The following KPTN variants were observed in gnomAD, a reference collection of about 807,000 sequenced individuals.
KPTN encodes kaptin, actin binding protein, also known as KICSTOR complex protein kaptin.
KPTN carries 36 observed loss-of-function variants against 52.6 expected under a neutral mutation model. The observed-to-expected ratio is 0.68, with a 90% confidence interval of 0.52 to 0.90. The LOEUF is 0.90. Ranked by LOEUF, KPTN falls within the 40% of genes least tolerant of loss-of-function variation. KPTN has a pLI of 0.00. For missense variants in KPTN, 529 were observed against 576.2 expected (o/e 0.92, Z 0.84); for synonymous variants, 271 against 248.4 (o/e 1.09, Z -0.85).
intron 11 of KPTN, 54 bp downstream of exon 11, chr19:47,476,478 C>G (rs1476698802): frequency 1.3e-6 from 2 of 1,493,150 alleles, no homozygotes; most frequent in Middle Eastern, 2.3e-4. Context: ...GCCTGCACCC[C>G]CTGCTCGAAA....
At chr19:47,477,970 G>A (rs1967732732) in intron 8 of KPTN, among the ~76,000 whole-genome samples, 189 bp from the exon 9 acceptor site, 1 of 151,900 alleles carries the variant, frequency 6.6e-6, no homozygotes, top group Non-Finnish European at 1.5e-5. Flanking sequence ...TGAGGCAGGA[G>A]ACTTGCTTGA....
In KPTN at chr19:47,476,465, G is replaced by A; in HGVS notation, c.1182+67C>T. ...AATGAGTTCCTCCCTCCCCCAGGAG[G>A]AGGCCTGCACCCCCTGCTCGAAACT... On this transcript the variant is annotated intron_variant, in intron 11 of 11. Coordinates refer to ENST00000338134, the MANE Select transcript of KPTN (RefSeq NM_007059.4). 4 of 1,373,672 alleles carry A rather than the reference G, an allele frequency of 2.9e-6. No individual in the cohort carries two copies. In the South Asian group the frequency reaches 5.4e-5, roughly 19 times the overall value. 85.1% of individuals were successfully genotyped at this position (1,373,672 alleles called of 1,614,324 possible). A position where few individuals can be genotyped will look rare whatever the true frequency, so the allele number is the denominator to read the frequency against.
Position 47,480,316 on chromosome 19 carries a change from C to T in KPTN, c.691G>A (p.Val231Met). 1 of 1,548,608 alleles carries T rather than the reference C, an allele frequency of 6.5e-7. No individual in the cohort carries two copies. The highest frequency in any genetic ancestry group is 8.7e-7 in the Non-Finnish European group (1 of 1,145,990). Residue 231 changes from valine to methionine, a missense_variant, in exon 7 of 12, where the codon GTG becomes ATG. Transcript: ENST00000338134. ...CQSGYVRVAH[V>M]DQRSREVLQM... ...CCCTCACCTCGACTCCGCTGGTCCA[C>T]GTGGGCGACACGGACATAACCACTC...
chr19:47,482,992 C>G, intron 4 of KPTN, 169 bp downstream of exon 4: 1 of 709,104 alleles, frequency 1.4e-6, no homozygotes, highest in Admixed American at 2.1e-5. Context: ...CAGGTGTGAG[C>G]CACCGTGCCC....
At chr19:47,475,929 C>T (rs889568621) in intron 11 of KPTN, among the ~76,000 whole-genome samples, 1 of 149,898 alleles carries the variant, frequency 6.7e-6, no homozygotes, top group Non-Finnish European at 1.5e-5. Context: ...CCACTGCACA[C>T]CAGCCTGGGA....
rs760344382 is a variant in KPTN, at chr19:47,484,035, C to G, written c.126G>C (p.Leu42=). The change falls in exon 1 of 12, where the codon CTG becomes CTC. Residue 42 remains leucine (L), a synonymous_variant. Transcript: ENST00000338134. ...GCACCTTGCCTTTAAGGGTGGCGGC[C>G]AGCAGCTCCCCGCGCCCGCCGGCGC... is the stretch of plus-strand genomic sequence containing the variant. ...AGGAGGRGEL[L]AATLKGKVLG... is the part of the protein sequence containing the mutation. 2.5e-6 allele frequency: 4 copies of G among 1,611,938 alleles called. No homozygotes were observed. The Admixed American group carries it at 6.7e-5, about 27-fold the overall frequency.
At position 47,480,293 on chromosome 19, in the gene KPTN, C is replaced by G; in HGVS notation, c.709+5G>C. ...CCCCTTACCCCGCCTCACCGCGGCC[C>G]TCACCTCGACTCCGCTGGTCCACGT... is the stretch of plus-strand genomic sequence containing the variant. On this transcript the variant is annotated splice_donor_5th_base_variant and intron_variant, in intron 7 of 11. Transcript: ENST00000338134. 9 of 1,544,858 alleles carry G rather than the reference C, an allele frequency of 5.8e-6. No individual in the cohort carries two copies. The highest frequency in any genetic ancestry group is 7.9e-6 in the Non-Finnish European group (9 of 1,142,664).
Position 47,476,855 on chromosome 19 carries a change from G to A in KPTN, c.947C>T (p.Thr316Ile). 6.3e-7 allele frequency: 1 copy of A among 1,576,058 alleles called. No individual in the cohort carries two copies. Among genetic ancestry groups the A allele is most frequent in the Non-Finnish European group, 8.6e-7 (1 of 1,160,436 alleles). ...TGGCCGCCCATCCAAATCCACATCG[G>A]TGACCAGGCTGCAGAGGACGCTGTC... ...QFDSVLCSLVTDVDLDGRPEV... is the reference protein window; with the variant it reads ...QFDSVLCSLVIDVDLDGRPEV... The change falls in exon 10 of 12, where the codon ACC becomes ATC. Residue 316 changes from threonine (T) to isoleucine (I), a missense_variant. Physicochemically the swap from Thr to Ile is moderately conservative, Grantham distance 89. Coordinates refer to ENST00000338134, the MANE Select transcript of KPTN (RefSeq NM_007059.4).
chr19:47,477,797 G>A lies in KPTN; in HGVS notation c.788-16C>T. ...TCCTTGGTCTCTGGAGAAGAAACATGAATGGTAATCCCAGCACTTTGGGAG... is the reference window on the plus strand; with the variant it reads ...TCCTTGGTCTCTGGAGAAGAAACATAAATGGTAATCCCAGCACTTTGGGAG... On this transcript the variant is annotated splice_polypyrimidine_tract_variant and intron_variant, in intron 8 of 11. Coordinates refer to ENST00000338134, the MANE Select transcript of KPTN (RefSeq NM_007059.4). 1 of 1,603,166 alleles carries A rather than the reference G, an allele frequency of 6.2e-7. No individual in the cohort carries two copies. Among genetic ancestry groups the A allele is most frequent in the Non-Finnish European group, 8.5e-7 (1 of 1,170,640 alleles).
Position 47,475,312 on chromosome 19 carries a change from G to A in KPTN, c.*104C>T, listed in dbSNP as rs1967623681. 3 of 1,402,938 alleles carry A rather than the reference G, an allele frequency of 2.1e-6. No homozygotes were observed. The highest frequency in any genetic ancestry group is 1.9e-6 in the Non-Finnish European group (2 of 1,037,784). The allele number at this position is 1,402,938 out of a possible 1,614,324, so 86.9% of individuals were successfully genotyped here. ...GGGCACAGCTTCACCACCCTGGGGA[G>A]GTCTGGGGAGAGCATCCTGTCCTTC... On this transcript the variant is annotated 3_prime_UTR_variant, in exon 12 of 12. Coordinates refer to ENST00000338134, the MANE Select transcript of KPTN (RefSeq NM_007059.4).
Position 47,483,989 on chromosome 19 carries a change from G to A in KPTN, c.172C>T (p.Leu58Phe), listed in dbSNP as rs1374729656. The A allele has an allele frequency of 5.0e-6, 8 of 1,613,668 alleles. No individual in the cohort carries two copies. The highest frequency in any genetic ancestry group is 6.8e-6 in the Non-Finnish European group (8 of 1,180,006). Residue 58 changes from leucine to phenylalanine, a missense_variant, in exon 1 of 12, where the codon CTC becomes TTC. Leu to Phe is a conservative substitution (Grantham distance 22, BLOSUM62 0). Coordinates refer to ENST00000338134, the MANE Select transcript of KPTN (RefSeq NM_007059.4). Reference sequence around the variant, plus strand: ...GCCACTGGCCGGATTTTCTGTCGGAGGTCTTGGTAGCGGAAGCCGAGCACC... The same window carrying A: ...GCCACTGGCCGGATTTTCTGTCGGAAGTCTTGGTAGCGGAAGCCGAGCACC... ...GKVLGFRYQD[L>F]RQKIRPVAKE...
chr19:47,475,386 C>A lies in KPTN; in HGVS notation c.*30G>T. On this transcript the variant is annotated 3_prime_UTR_variant, in exon 12 of 12. Transcript: ENST00000338134. ...GAGGTGAGCACGCCATGAGTCGCCC[C>A]AGGTCTGGGAAGAGTGGGTGCATGG... is the stretch of plus-strand genomic sequence containing the variant. The A allele has an allele frequency of 2.5e-6, 4 of 1,607,284 alleles. No individual in the cohort carries two copies. Among genetic ancestry groups the A allele is most frequent in the African/African-American group, 1.3e-5 (1 of 74,894 alleles).
chr19:47,484,381 C>T (rs543033701), upstream of KPTN: 83 of 592,220 alleles, frequency 1.4e-4, no homozygotes, highest in African/African-American at 1.5e-3. Context: ...TTCTCCTTTC[C>T]ATTTCTGGAC....
intron 8 of KPTN, among the ~76,000 whole-genome samples, chr19:47,478,567 TAAAAAAAAA>T (rs757744803): frequency 1.5e-5 from 1 of 66,234 alleles, no homozygotes; most frequent in Non-Finnish European, 2.9e-5. Flanking sequence ...AGACTCTGTC[TAAAAAAAAA>T]AAAAAAAAAA....
chr19:47,483,396 G>C lies in KPTN; in HGVS notation c.310-17C>G, dbSNP rs1432321645. ...CCCTGAATCCTGGCGGAGGACACGG[G>C]GTTCAGGGGAGGGCAGGGGTGGCAG... On this transcript the variant is annotated splice_polypyrimidine_tract_variant and intron_variant, in intron 2 of 11. Coordinates refer to ENST00000338134, the MANE Select transcript of KPTN (RefSeq NM_007059.4). 1 of 1,612,604 alleles carries C rather than the reference G, an allele frequency of 6.2e-7. No individual in the cohort carries two copies. The highest frequency in any genetic ancestry group is 1.1e-5 in the South Asian group (1 of 91,048).
Position 47,483,181 on chromosome 19 carries a change from C to A in KPTN, c.429G>T (p.Pro143=), listed in dbSNP as rs142513765. ...CTCACTCCGCATGGCACAGCTGGAA[C>A]GGAGTGAACTGGAGCTCCAGGTTCA... ...SCLNLELQFT[P]FQLCHAEVQV... The change falls in exon 4 of 12, where the codon CCG becomes CCT. Residue 143 remains proline, a synonymous_variant. Transcript: ENST00000338134. 10 of 1,614,006 alleles carry A rather than the reference C, an allele frequency of 6.2e-6. No individual in the cohort carries two copies. Among genetic ancestry groups the A allele is most frequent in the Middle Eastern group, 1.6e-4 (1 of 6,062 alleles).
At chr19:47,481,102 T>C in intron 4 of KPTN, 69 bp from the exon 5 acceptor site, 1 of 1,274,204 alleles carries the variant, frequency 7.8e-7, no homozygotes, top group South Asian at 1.3e-5. Flanking sequence ...AACTCTCCTC[T>C]TGCAAAAACC....
intron 7 of KPTN, 80 bp from the exon 8 acceptor site, chr19:47,480,020 C>T: frequency 1.6e-6 from 2 of 1,212,424 alleles, no homozygotes; most frequent in Non-Finnish European, 2.3e-6. Flanking sequence ...CTTTCCGCCC[C>T]CACCGTTCAT....
chr19:47,477,555 T>G, intron 9 of KPTN, 151 bp downstream of exon 9: 1 of 518,930 alleles, frequency 1.9e-6, no homozygotes, highest in East Asian at 3.8e-5. Context: ...GACTTCAATA[T>G]TCACAGCCCC....
Sources: allele counts gnomAD v4.1 joint callset (sites outside exome capture counted in the v4.1 genomes callset), GRCh38; gene constraint gnomAD v4.1.1; transcripts MANE v1.5; gene names NCBI Gene and HGNC (gene_info 2026-07-23, HGNC 2026-07-21).